LTK: variants seen among roughly 807,000 people sequenced by gnomAD.
The protein encoded by LTK is leukocyte receptor tyrosine kinase.
LTK carries 117 observed loss-of-function variants against 101.5 expected under a neutral mutation model. The ratio of observed to expected loss-of-function variants is 1.15; its 90% CI spans 0.99 to 1.34. The LOEUF (loss-of-function observed/expected upper bound fraction) is 1.34. Ranked by LOEUF, LTK falls within the 40% of genes most tolerant of loss-of-function variation. The pLI, the probability that LTK is intolerant of heterozygous loss-of-function variation, is 0.00. For synonymous variants in LTK, 563 were observed against 494.2 expected (o/e 1.14, Z -1.85); for missense variants, 1,252 against 1,164.7 (o/e 1.07, Z -1.09).
rs1466375840 is a variant in LTK at position 41,505,217 on chromosome 15, A to G, written c.1916T>C (p.Phe639Ser). ...CAGGACTGCTCCTAACCTGTGGATGAAGTGATTTTCCTCCAGGTAGTGGCA... is the reference window on the plus strand; with the variant it reads ...CAGGACTGCTCCTAACCTGTGGATGGAGTGATTTTCCTCCAGGTAGTGGCA... ...QGCHYLEENHFIHRDIAARNC... is the reference protein window; with the variant it reads ...QGCHYLEENHSIHRDIAARNC... The change falls in exon 15 of 20, where the codon TTC becomes TCC. Residue 639 changes from phenylalanine to serine, a missense_variant. Physicochemically the swap from Phe to Ser is radical, Grantham distance 155. Transcript: ENST00000263800. 1 of 1,614,022 alleles carries G rather than the reference A, an allele frequency of 6.2e-7. No homozygotes were observed. The highest frequency in any genetic ancestry group is 2.2e-5 in the East Asian group (1 of 44,876).
In LTK at chr15:41,507,156, G is replaced by C. The variant is rs1566867645; in HGVS notation, c.1480C>G (p.Gln494Glu). 1 of 1,613,858 alleles carries C rather than the reference G, an allele frequency of 6.2e-7. No individual in the cohort carries two copies. The highest frequency in any genetic ancestry group is 2.2e-5 in the East Asian group (1 of 44,878). Residue 494 changes from glutamine (Q) to glutamate (E), a missense_variant, in exon 11 of 20, where the codon CAG becomes GAG. Physicochemically the swap from Gln to Glu is conservative, Grantham distance 29 (BLOSUM62 2). Transcript: ENST00000263800. ...YYCQVGLGPA[Q>E]SWPLPPGVTE... ...ACACCTGGTGGCAGAGGCCAGGACT[G>C]GGCCGGGCCAAGCCCCACCTGGCAA... is the stretch of plus-strand genomic sequence containing the variant.
Position 41,506,014 on chromosome 15 carries a change from A to C in LTK, c.1542-9T>G. ...CACCATGGCCCAGGGCTCTGCAGGA[A>C]GACACGTTGGAAGGGAGTGGGCAGG... On this transcript the variant is annotated splice_polypyrimidine_tract_variant and intron_variant, in intron 11 of 19. Transcript: ENST00000263800. 6.2e-7 allele frequency: 1 copy of C among 1,607,028 alleles called. No homozygotes were observed. The highest frequency in any genetic ancestry group is 8.5e-7 in the Non-Finnish European group (1 of 1,173,782).
chr15:41,504,751 G>T, intron 17 of LTK, 22 bp downstream of exon 17: 1 of 1,603,218 alleles, frequency 6.2e-7, no homozygotes. Context: ...AGTGGGGAAG[G>T]GGAGGGGAAG....
Position 41,508,072 on chromosome 15 carries a change from T to G in LTK, c.1246A>C (p.Met416Leu), listed in dbSNP as rs1228470441. The change falls in exon 9 of 20, where the codon ATG (methionine) becomes CTG (leucine). Residue 416 changes from methionine (M) to leucine (L), a missense_variant. Met to Leu is a conservative substitution (Grantham distance 15). Coordinates refer to ENST00000263800, the MANE Select transcript of LTK (RefSeq NM_002344.6). ...CTTGGGCAAAGGTAGGACATACCCA[T>G]GCAGGTGACGTTATCCACAGCTAGC... Reference protein sequence around the residue: ...MELAVDNVTCMDLHKPPGPLV... With the variant: ...MELAVDNVTCLDLHKPPGPLV... 6.2e-7 allele frequency: 1 copy of G among 1,602,534 alleles called. No individual in the cohort carries two copies. Among genetic ancestry groups the G allele is most frequent in the East Asian group, 2.2e-5 (1 of 44,702 alleles).
chr15:41,506,672 C>T (rs780442958), intron 11 of LTK, among the ~76,000 whole-genome samples: 1 of 152,160 alleles, frequency 6.6e-6, no homozygotes, highest in East Asian at 1.9e-4. Context: ...CTCACCACAA[C>T]CTCCGCCTCC....
chr15:41,511,335 C>T lies in LTK; in HGVS notation c.826G>A (p.Gly276Ser), dbSNP rs1387962322. 27 of 1,359,850 alleles carry T rather than the reference C, an allele frequency of 2.0e-5. No homozygotes were observed. In the East Asian group the frequency reaches 7.1e-4, roughly 36 times the overall value. The allele number at this position is 1,359,850 out of a possible 1,614,324, so 84.2% of individuals were successfully genotyped here. A position where few individuals can be genotyped will look rare whatever the true frequency, so the allele number is the denominator to read the frequency against. Residue 276 changes from glycine (G) to serine (S), a missense_variant, in exon 7 of 20, where the codon GGC becomes AGC. By Grantham distance (56) the Gly-to-Ser change is moderately conservative. Coordinates refer to ENST00000263800, the MANE Select transcript of LTK (RefSeq NM_002344.6). This position sits in a 1 kb window ranked among gnomAD's most constrained non-coding sequence, Gnocchi z 5.9. ...GRGGAAGGGG[G>S]WTSRAPSPQA... ...GGAGAGGGAGCCCGCGACGTCCAGC[C>T]GCCCCCACCACCTGCAGAGCGACAG...
At chr15:41,504,921 C>CG (rs747529266) in intron 16 of LTK, 47 bp from the exon 17 acceptor site, 1 of 1,595,244 alleles carries the variant, frequency 6.3e-7, no homozygotes, top group South Asian at 1.1e-5. Context: ...CACCAAGGTG[C>CG]GGGGAAAACC....
chr15:41,505,815 C>A, intron 12 of LTK, 38 bp from the exon 13 acceptor site: 1 of 1,609,798 alleles, frequency 6.2e-7, no homozygotes. Flanking sequence ...AGCTGCCCTG[C>A]ACGCTTCAGG....
At position 41,505,541 on chromosome 15, in the gene LTK, T is replaced by TG; in HGVS notation, c.1698-12dup. 3 of 1,613,520 alleles carry TG rather than the reference T, an allele frequency of 1.9e-6. No individual in the cohort carries two copies. Among genetic ancestry groups the TG allele is most frequent in the Non-Finnish European group, 2.5e-6 (3 of 1,179,882 alleles). ...TGATGGCGAAACTTGCTGAGTGGGG[T>TG]GGGGGACATATCCCGTTACCAGGAG... On this transcript the variant is annotated splice_polypyrimidine_tract_variant and intron_variant, in intron 13 of 19. Coordinates refer to ENST00000263800, the MANE Select transcript of LTK (RefSeq NM_002344.6).
At position 41,504,973 on chromosome 15, in the gene LTK, G is replaced by A. The variant is rs201289718; in HGVS notation, c.2017C>T (p.Arg673Trp). Residue 673 changes from arginine to tryptophan, a missense_variant and splice_region_variant, in exon 16 of 20, where the codon CGG becomes TGG. Physicochemically the swap from Arg to Trp is moderately radical, Grantham distance 101. Coordinates refer to ENST00000263800, the MANE Select transcript of LTK (RefSeq NM_002344.6). ...CTTCCCACCTCCCAAGTCCCGCACC[G>A]GTAGATATCTCGTGCCATCCCAAAG... is the stretch of plus-strand genomic sequence containing the variant. ...GDFGMARDIY[R>W]ASYYRRGDRA... is the part of the protein sequence containing the mutation. The A allele has an allele frequency of 2.7e-5, 44 of 1,610,084 alleles. No individual in the cohort carries two copies. The highest frequency in any genetic ancestry group is 9.9e-5 in the South Asian group (9 of 90,512).
intron 7 of LTK, among the ~76,000 whole-genome samples, chr15:41,509,824 C>T (rs984072009): frequency 2.0e-5 from 3 of 151,800 alleles, no homozygotes; most frequent in Non-Finnish European, 4.4e-5. Flanking sequence ...TGTACTACTG[C>T]ACTCCAGCCT....
chr15:41,513,801 C>A lies in LTK; in HGVS notation c.-92G>T. ...TGACAGCTCATTTTGCCACGGCAGC[C>A]CTGGCCACCACTTACAGGGGTGTGC... is the stretch of plus-strand genomic sequence containing the variant. On this transcript the variant is annotated 5_prime_UTR_variant, in exon 1 of 20. Coordinates refer to ENST00000263800, the MANE Select transcript of LTK (RefSeq NM_002344.6). 1.7e-6 allele frequency: 2 copies of A among 1,157,676 alleles called. No homozygotes were observed. Among genetic ancestry groups the A allele is most frequent in the East Asian group, 4.8e-5 (2 of 42,100 alleles). 71.7% of individuals were successfully genotyped at this position (1,157,676 alleles called of 1,614,324 possible).
Position 41,505,999 on chromosome 15 carries a change from C to T in LTK, c.1548G>A (p.Leu516=). Residue 516 remains leucine (L), a synonymous_variant, in exon 12 of 20, where the codon CTG becomes CTA. Transcript: ENST00000263800. ...SPANVTLLRA[L]GHGAFGEVYE... is the part of the protein sequence containing the mutation. ...ACACCTCCCCAAAGGCACCATGGCC[C>T]AGGGCTCTGCAGGAAGACACGTTGG... 2 of 1,612,844 alleles carry T rather than the reference C, an allele frequency of 1.2e-6. No homozygotes were observed. The highest frequency in any genetic ancestry group is 1.7e-6 in the Non-Finnish European group (2 of 1,178,976).
Position 41,511,676 on chromosome 15 carries a change from A to T in LTK, c.658-98T>A. On this transcript the variant is annotated intron_variant, in intron 5 of 19. Transcript: ENST00000263800. The surrounding 1 kb of genome is among the most constrained non-coding windows in gnomAD (Gnocchi z 5.9). ...CCGCCCAGGGGGCCTGGATAAGGGC[A>T]GGGGCCCCCAGCCCAGCCCAGGCCA... The T allele has an allele frequency of 7.1e-7, 1 of 1,403,228 alleles. No homozygotes were observed. Among genetic ancestry groups the T allele is most frequent in the Non-Finnish European group, 9.2e-7 (1 of 1,086,144 alleles). The allele number at this position is 1,403,228 out of a possible 1,614,324, so 86.9% of individuals were successfully genotyped here. A position where few individuals can be genotyped will look rare whatever the true frequency, so the allele number is the denominator to read the frequency against.
rs752801446 is a variant in LTK at position 41,504,427 on chromosome 15, C to T, written c.2261G>A (p.Arg754His). The change falls in exon 19 of 20, where the codon CGC becomes CAC. Residue 754 changes from arginine to histidine, a missense_variant. Transcript: ENST00000263800. ...GTGCTGCCAACACTGGGTCATGATGCGGTACCTGGGGAGAGGCAGGAGTTC... is the reference window on the plus strand; with the variant it reads ...GTGCTGCCAACACTGGGTCATGATGTGGTACCTGGGGAGAGGCAGGAGTTC... ...PPRGCPGPVY[R>H]IMTQCWQHEP... 39 of 1,614,116 alleles carry T rather than the reference C, an allele frequency of 2.4e-5. No homozygotes were observed. Among genetic ancestry groups the T allele is most frequent in the East Asian group, 4.5e-5 (2 of 44,890 alleles).
Position 41,511,405 on chromosome 15 carries a change from G to T in LTK, c.814+17C>A. Reference sequence around the variant, plus strand: ...ACGGGGAGCACGCCCGCCTCTCCCCGCGGCCCGCGCCCTCACCTGCCGCCC... The same window carrying T: ...ACGGGGAGCACGCCCGCCTCTCCCCTCGGCCCGCGCCCTCACCTGCCGCCC... On this transcript the variant is annotated intron_variant, in intron 6 of 19. Transcript: ENST00000263800. The surrounding 1 kb of genome is among the most constrained non-coding windows in gnomAD (Gnocchi z 5.9). 1 of 1,372,900 alleles carries T rather than the reference G, an allele frequency of 7.3e-7. No homozygotes were observed. Among genetic ancestry groups the T allele is most frequent in the Non-Finnish European group, 9.3e-7 (1 of 1,071,794 alleles). 85.0% of individuals were successfully genotyped at this position (1,372,900 alleles called of 1,614,324 possible).
intron 7 of LTK, among the ~76,000 whole-genome samples, chr15:41,509,818 CT>C (rs1566871421): frequency 6.6e-6 from 1 of 151,802 alleles, no homozygotes; most frequent in East Asian, 2.0e-4. Flanking sequence ...GAGATTTGTA[CT>C]ACTGCACTCC....
chr15:41,505,688 G>A (rs770834280), intron 13 of LTK, 25 bp downstream of exon 13: 2 of 1,613,070 alleles, frequency 1.2e-6, no homozygotes, highest in Non-Finnish European at 1.7e-6. Context: ...CCGCCTTCCA[G>A]CCCTGCCCCT....
At position 41,512,164 on chromosome 15, in the gene LTK, T is replaced by G; in HGVS notation, c.461A>C (p.Glu154Ala). ...CTGCCCCACCAGGATGTACAGCGAC[T>G]CCCCGAGACCGAGGGAGAAGATTGC... ...VSAIFSLGLG[E>A]SLYILVGQQG... The change falls in exon 4 of 20, where the codon GAG becomes GCG. Residue 154 changes from glutamate to alanine, a missense_variant. Transcript: ENST00000263800. The G allele has an allele frequency of 6.3e-7, 1 of 1,598,200 alleles. No homozygotes were observed. Among genetic ancestry groups the G allele is most frequent in the East Asian group, 2.3e-5 (1 of 44,388 alleles).
Sources: allele counts gnomAD v4.1 joint callset (sites outside exome capture counted in the v4.1 genomes callset), GRCh38; gene constraint gnomAD v4.1.1; non-coding constraint Gnocchi (gnomAD v3.1); transcripts MANE v1.5; gene names NCBI Gene and HGNC (gene_info 2026-07-23, HGNC 2026-07-21).